Variants in SLIT3 observed in about 807,000 individuals in gnomAD.
SLIT3 encodes slit homolog 3 protein.
In SLIT3, 68 loss-of-function variants were observed where a neutral mutation model predicts 184.0. The ratio of observed to expected loss-of-function variants is 0.37; its 90% CI spans 0.30 to 0.45. The LOEUF (loss-of-function observed/expected upper bound fraction) is 0.45. Ranked by LOEUF, SLIT3 falls within the 20% of genes least tolerant of loss-of-function variation. SLIT3 has a pLI of 1.00. For missense variants in SLIT3, 1,707 were observed against 2,026.0 expected, an observed-to-expected ratio of 0.84 and a Z score of 3.02; for synonymous variants, 831 against 828.6, an observed-to-expected ratio of 1.00 and a Z score of -0.05.
At chr5:168,954,070 A>G (rs776045655) in intron 4 of SLIT3, among the ~76,000 whole-genome samples, 20 of 152,026 alleles carry the variant, frequency 1.3e-4, no homozygotes, top group South Asian at 6.2e-4. Flanking sequence ...CCAGAGCCCA[A>G]CAGTTCATGG....
intron 4 of SLIT3, among the ~76,000 whole-genome samples, chr5:169,158,670 T>C (rs1351712966): frequency 6.6e-6 from 1 of 152,188 alleles, no homozygotes; most frequent in Middle Eastern, 3.2e-3. Context: ...AAGACAATTA[T>C]ATTGTAATAG....
intron 4 of SLIT3, among the ~76,000 whole-genome samples, chr5:168,948,355 G>T (rs926189211): frequency 2.6e-5 from 4 of 152,130 alleles, no homozygotes; most frequent in Non-Finnish European, 5.9e-5. Context: ...GAAGGAAGAG[G>T]CTCCGTTGGA....
chr5:168,900,323 A>T (rs560215358), intron 4 of SLIT3, among the ~76,000 whole-genome samples: 211 of 152,338 alleles, frequency 1.4e-3, no homozygotes, highest in African/African-American at 4.8e-3. Context: ...TTATATAAAA[A>T]GATACTTATG....
intron 4 of SLIT3, among the ~76,000 whole-genome samples, chr5:169,011,622 G>A (rs542405019): frequency 1.3e-4 from 20 of 152,304 alleles, no homozygotes; most frequent in African/African-American, 4.8e-4. Context: ...ACAGTCATTT[G>A]CTGGGGGAGA....
chr5:169,246,144 G>A lies in SLIT3; in HGVS notation c.270-1368C>T, dbSNP rs114655422. On this transcript the variant is annotated intron_variant, in intron 2 of 35. Coordinates refer to ENST00000519560, the MANE Select transcript of SLIT3 (RefSeq NM_003062.4). ...TCACATGTACTCACACCCACACCCC[G>A]CAAAAGAAACTCCTTTTGACAAATC... 7.2e-3 allele frequency among the ~76,000 whole-genome samples: 1,098 copies of A among 152,152 alleles called. 9 individuals are homozygous for A. Among genetic ancestry groups the A allele is most frequent in the African/African-American group, 0.022 (926 of 41,488 alleles).
chr5:169,027,371 G>A (rs1251701630), intron 4 of SLIT3, among the ~76,000 whole-genome samples: 1 of 152,082 alleles, frequency 6.6e-6, no homozygotes, highest in Non-Finnish European at 1.5e-5. Flanking sequence ...CTTTTGAAAA[G>A]ACACTTCCTC....
intron 23 of SLIT3, among the ~76,000 whole-genome samples, chr5:168,721,404 G>A (rs781352867): frequency 6.6e-6 from 1 of 152,200 alleles, no homozygotes; most frequent in Non-Finnish European, 1.5e-5. Flanking sequence ...GCTGCACTAA[G>A]TACTTCATAT....
intron 4 of SLIT3, among the ~76,000 whole-genome samples, chr5:169,147,232 C>T (rs74418143): frequency 0.029 from 4,466 of 152,254 alleles, 221 homozygotes; most frequent in African/African-American, 0.1. Context: ...TGGCACATAG[C>T]AGGACTTTGA....
chr5:169,028,585 T>C (rs1756918224), intron 4 of SLIT3, among the ~76,000 whole-genome samples: 1 of 152,252 alleles, frequency 6.6e-6, no homozygotes, highest in Admixed American at 6.5e-5. Context: ...TTGCTTGTTA[T>C]TACTATATTA....
intron 4 of SLIT3, among the ~76,000 whole-genome samples, chr5:168,942,344 G>C (rs1285269564): frequency 2.0e-5 from 3 of 152,038 alleles, no homozygotes; most frequent in African/African-American, 7.2e-5. Flanking sequence ...TTATGAGCAA[G>C]TTTCCTTTCT....
At chr5:169,256,482 T>C (rs1765963702) in intron 1 of SLIT3, among the ~76,000 whole-genome samples, 1 of 152,226 alleles carries the variant, frequency 6.6e-6, no homozygotes. Flanking sequence ...AGTGCACTCA[T>C]GACTTTCACG....
At chr5:169,179,639 G>A (rs1763092166) in intron 4 of SLIT3, among the ~76,000 whole-genome samples, 2 of 152,016 alleles carry the variant, frequency 1.3e-5, no homozygotes, top group Admixed American at 6.6e-5. Context: ...CTGCCACCGA[G>A]TTAGTTTTAT....
intron 4 of SLIT3, among the ~76,000 whole-genome samples, chr5:169,052,045 C>A (rs558292398): frequency 6.7e-6 from 1 of 149,320 alleles, no homozygotes; most frequent in South Asian, 2.2e-4. Context: ...ACATCCCCAG[C>A]CCCCTTCAGA....
intron 33 of SLIT3, 42 bp downstream of exon 33, chr5:168,673,134 AG>A (rs954133012): frequency 1.1e-5 from 18 of 1,601,428 alleles, no homozygotes; most frequent in Non-Finnish European, 1.5e-5. Context: ...TGGAGCACAG[AG>A]GGCCAGAGGG....
intron 4 of SLIT3, among the ~76,000 whole-genome samples, chr5:169,139,565 T>C (rs1467828849): frequency 2.6e-5 from 4 of 152,212 alleles, no homozygotes; most frequent in African/African-American, 9.6e-5. Context: ...TACTAAGCTC[T>C]ACTCCTTCCA....
At chr5:168,844,474 C>A in intron 6 of SLIT3, 110 bp downstream of exon 6, 3 of 985,902 alleles carry the variant, frequency 3.0e-6, no homozygotes, top group Non-Finnish European at 4.7e-6. Context: ...GAAATGCATT[C>A]ACACAGACCC....
chr5:169,032,619 A>G (rs1757073155), intron 4 of SLIT3, among the ~76,000 whole-genome samples: 1 of 148,030 alleles, frequency 6.8e-6, no homozygotes, highest in South Asian at 2.3e-4. Context: ...TTTTCAGTGT[A>G]AAGAATACTA....
intron 4 of SLIT3, among the ~76,000 whole-genome samples, chr5:169,034,617 G>T (rs1349757413): frequency 1.3e-5 from 2 of 152,098 alleles, no homozygotes; most frequent in East Asian, 3.9e-4. Context: ...CCTTCCACTG[G>T]CCAAGTGGTG....
intron 9 of SLIT3, among the ~76,000 whole-genome samples, chr5:168,800,361 G>A (rs1015822258): frequency 2.0e-5 from 3 of 152,180 alleles, no homozygotes; most frequent in Non-Finnish European, 2.9e-5. Context: ...TGAGGCGGTT[G>A]GATCACCTGA....
Sources: allele counts gnomAD v4.1 joint callset (sites outside exome capture counted in the v4.1 genomes callset), GRCh38; gene constraint gnomAD v4.1.1; transcripts MANE v1.5; gene names NCBI Gene and HGNC (gene_info 2026-07-23, HGNC 2026-07-21).